The following KCTD1 variants were observed in gnomAD, a reference collection of about 807,000 sequenced individuals.
KCTD1 encodes BTB/POZ domain-containing protein KCTD1.
Under a neutral mutation model 66.0 loss-of-function variants are expected in KCTD1, and 24 were observed. The ratio of observed to expected loss-of-function variants is 0.36; its 90% confidence interval spans 0.26 to 0.51. The LOEUF (loss-of-function observed/expected upper bound fraction) is 0.51, where lower values mean the gene tolerates loss of function less well. Ranked by LOEUF, KCTD1 falls within the 20% of genes least tolerant of loss-of-function variation. KCTD1 has a pLI of 0.95. For missense variants in KCTD1, 943 were observed against 1,205.2 expected (o/e 0.78, Z 3.22); for synonymous variants, 511 against 517.2 (o/e 0.99, Z 0.16).
intron 3 of KCTD1, among the ~76,000 whole-genome samples, chr18:26,463,326 C>T (rs188406010): frequency 1.3e-5 from 2 of 151,870 alleles, no homozygotes; most frequent in Admixed American, 6.6e-5. Flanking sequence ...TGTGGTGGCC[C>T]GGGCCTGTGG....
chr18:26,616,191 T>A (rs575871985), intron 1 of KCTD1, among the ~76,000 whole-genome samples: 2 of 151,310 alleles, frequency 1.3e-5, no homozygotes, highest in East Asian at 3.9e-4. Context: ...AGGTGATGAG[T>A]TGGAATTAAC....
intron 1 of KCTD1, among the ~76,000 whole-genome samples, chr18:26,639,319 G>A (rs1987787026): frequency 6.6e-6 from 1 of 152,218 alleles, no homozygotes; most frequent in African/African-American, 2.4e-5. Context: ...GGCAGTGGGA[G>A]GAGTCGCCAG....
At chr18:26,524,836 T>C (rs1347166886) in intron 1 of KCTD1, among the ~76,000 whole-genome samples, 1 of 152,106 alleles carries the variant, frequency 6.6e-6, no homozygotes, top group Non-Finnish European at 1.5e-5. Flanking sequence ...TTTTAAGACA[T>C]TTTTTAATTT....
At chr18:26,585,976 A>G (rs1449857355) in intron 1 of KCTD1, among the ~76,000 whole-genome samples, 1 of 152,236 alleles carries the variant, frequency 6.6e-6, no homozygotes, top group Non-Finnish European at 1.5e-5. Flanking sequence ...TCAAGGCTGC[A>G]GTGAGCTAGG....
intron 1 of KCTD1, among the ~76,000 whole-genome samples, chr18:26,617,317 C>G (rs1405618937): frequency 6.6e-6 from 1 of 152,200 alleles, no homozygotes; most frequent in African/African-American, 2.4e-5. Context: ...ATCCACAGAG[C>G]TAGTTATGTC....
chr18:26,622,652 T>A (rs1003359278), intron 1 of KCTD1, among the ~76,000 whole-genome samples: 2 of 152,100 alleles, frequency 1.3e-5, no homozygotes, highest in Non-Finnish European at 2.9e-5. Flanking sequence ...TGAATATGCA[T>A]ATGAGATAAA....
intron 1 of KCTD1, among the ~76,000 whole-genome samples, chr18:26,589,520 A>T (rs1986548346): frequency 6.6e-6 from 1 of 152,182 alleles, no homozygotes; most frequent in Admixed American, 6.5e-5. Flanking sequence ...CAGTTATATA[A>T]AGTCTTTCAG....
chr18:26,504,044 T>G (rs1025870841), intron 1 of KCTD1, among the ~76,000 whole-genome samples: 3 of 152,146 alleles, frequency 2.0e-5, no homozygotes, highest in African/African-American at 7.2e-5. Flanking sequence ...TTTCACTTGG[T>G]ATTTTCCATA....
intron 1 of KCTD1, among the ~76,000 whole-genome samples, chr18:26,545,948 T>C (rs1985190923): frequency 6.6e-6 from 1 of 152,054 alleles, no homozygotes. Flanking sequence ...GCTGCTGGGA[T>C]AGCACTCTTA....
chr18:26,519,926 G>A lies in KCTD1; in HGVS notation c.1810-18676C>T, dbSNP rs547103044. 1.1e-4 allele frequency among the ~76,000 whole-genome samples: 16 copies of A among 152,294 alleles called. No individual in the cohort carries two copies. In the East Asian group the frequency reaches 1.7e-3, roughly 17 times the overall value. Reference sequence around the variant, plus strand: ...TTAATTTAAAAATCTGTAAGAAAGCGTCAAAATCAATTCGGTTCAGTCTTA... The same window carrying A: ...TTAATTTAAAAATCTGTAAGAAAGCATCAAAATCAATTCGGTTCAGTCTTA... On this transcript the variant is annotated intron_variant, in intron 1 of 4. Transcript: ENST00000580059.
intron 1 of KCTD1, chr18:26,544,765 T>G (rs898455945): frequency 3.3e-5 from 5 of 152,232 alleles, no homozygotes; most frequent in Admixed American, 2.6e-4. Flanking sequence ...ATACTTCGAC[T>G]GCTCAGACTT....
intron 1 of KCTD1, among the ~76,000 whole-genome samples, chr18:26,607,613 A>C (rs1181536189): frequency 6.6e-6 from 1 of 152,196 alleles, no homozygotes; most frequent in Non-Finnish European, 1.5e-5. Context: ...CCCAAATTTC[A>C]GTCACTGATC....
chr18:26,483,364 G>A (rs1172898113), intron 2 of KCTD1, among the ~76,000 whole-genome samples: 1 of 152,144 alleles, frequency 6.6e-6, no homozygotes, highest in Non-Finnish European at 1.5e-5. Context: ...TGCCTCCTGG[G>A]TCAAAGTGAT....
In KCTD1 at chr18:26,558,838, G is replaced by A. The variant is rs190640683; in HGVS notation, c.-15-57588C>T. 1.9e-3 allele frequency among the ~76,000 whole-genome samples: 295 copies of A among 152,110 alleles called. 1 individual carries two copies. The highest frequency in any genetic ancestry group is 6.0e-3 in the African/African-American group (251 of 41,492). On this transcript the variant is annotated intron_variant, in intron 1 of 4. Transcript: ENST00000317932. ...CTCAGGAGGCTGAGGCAGGAGGATC[G>A]TTTGAATCTGGGAGGTGGAGGTTGC...
intron 2 of KCTD1, among the ~76,000 whole-genome samples, chr18:26,477,570 G>A (rs77596081): frequency 1.6e-3 from 251 of 152,238 alleles, no homozygotes; most frequent in Admixed American, 2.3e-3. Flanking sequence ...CTCTGATTTG[G>A]AACAATATCA....
chr18:26,478,743 G>A (rs1475458775), intron 2 of KCTD1, among the ~76,000 whole-genome samples: 2 of 152,156 alleles, frequency 1.3e-5, no homozygotes, highest in Non-Finnish European at 2.9e-5. Context: ...TAGGTGAATC[G>A]ACTTCTCTGT....
At chr18:26,576,085 C>G (rs1442282541) in intron 1 of KCTD1, among the ~76,000 whole-genome samples, 2 of 152,196 alleles carry the variant, frequency 1.3e-5, no homozygotes, top group Admixed American at 1.3e-4. Flanking sequence ...GGAAGCTTTG[C>G]TAACACTGCT....
chr18:26,654,106 G>T (rs1988084417), intron 1 of KCTD1, among the ~76,000 whole-genome samples: 1 of 152,184 alleles, frequency 6.6e-6, no homozygotes. Context: ...CTCTGATTCA[G>T]AAACATTAAG....
chr18:26,505,138 C>T (rs1205068446), intron 1 of KCTD1, among the ~76,000 whole-genome samples: 1 of 152,288 alleles, frequency 6.6e-6, no homozygotes, highest in African/African-American at 2.4e-5. Flanking sequence ...TCCTGTTACA[C>T]AGCTGCTTCC....
Sources: allele counts gnomAD v4.1 joint callset (sites outside exome capture counted in the v4.1 genomes callset), GRCh38; gene constraint gnomAD v4.1.1; transcripts MANE v1.5; gene names NCBI Gene and HGNC (gene_info 2026-07-23, HGNC 2026-07-21).